The following SPOCK1 variants were observed in gnomAD, a reference collection of about 807,000 sequenced individuals.
SPOCK1 encodes the protein testican-1.
In SPOCK1, 23 loss-of-function variants were observed where a neutral mutation model predicts 55.3. The ratio of observed to expected loss-of-function variants is 0.42; its 90% CI spans 0.30 to 0.59. The LOEUF is 0.59. SPOCK1 is among the 20% of genes least tolerant of loss of function. The pLI, the probability that SPOCK1 is intolerant of heterozygous loss-of-function variation, is 0.22. For missense variants in SPOCK1, 499 were observed against 552.5 expected (o/e 0.90, Z 0.97); for synonymous variants, 226 against 221.0 (o/e 1.02, Z -0.20).
chr5:137,041,250 T>G (rs1751990967), intron 6 of SPOCK1, among the ~76,000 whole-genome samples: 1 of 152,216 alleles, frequency 6.6e-6, no homozygotes, highest in African/African-American at 2.4e-5. Flanking sequence ...TTCAATAAAC[T>G]GTGCTGGAAT....
At chr5:137,171,081 G>T (rs1201838202) in intron 3 of SPOCK1, among the ~76,000 whole-genome samples, 1 of 152,114 alleles carries the variant, frequency 6.6e-6, no homozygotes, top group South Asian at 2.1e-4. Flanking sequence ...GGAGTGAACG[G>T]GAAGAGCCTC....
At chr5:137,317,475 G>C (rs993101249) in intron 2 of SPOCK1, among the ~76,000 whole-genome samples, 1 of 152,210 alleles carries the variant, frequency 6.6e-6, no homozygotes, top group Non-Finnish European at 1.5e-5. Context: ...TCAGGAATAG[G>C]TGAGTTTCAG....
intron 4 of SPOCK1, among the ~76,000 whole-genome samples, chr5:137,136,225 A>T (rs1444461471): frequency 6.6e-6 from 1 of 152,198 alleles, no homozygotes; most frequent in African/African-American, 2.4e-5. Context: ...CTTCTAAAAA[A>T]GCCTAAGCTC....
intron 3 of SPOCK1, among the ~76,000 whole-genome samples, chr5:137,180,913 G>A (rs1303590558): frequency 1.3e-5 from 2 of 152,138 alleles, no homozygotes; most frequent in African/African-American, 2.4e-5. Flanking sequence ...GGATGGCTTG[G>A]CCAGCTTTGT....
intron 2 of SPOCK1, among the ~76,000 whole-genome samples, chr5:137,453,899 C>G (rs1753311666): frequency 6.6e-6 from 1 of 152,080 alleles, no homozygotes; most frequent in African/African-American, 2.4e-5. Context: ...GTGGAGTCCC[C>G]TTATTCCCTG....
At chr5:137,122,714 G>A (rs1753709395) in intron 4 of SPOCK1, among the ~76,000 whole-genome samples, 7 of 152,226 alleles carry the variant, frequency 4.6e-5, no homozygotes, top group Admixed American at 4.6e-4. Context: ...AGGGGCCAGA[G>A]CAGCTGGGAA....
chr5:137,439,755 C>G (rs1190544912), intron 2 of SPOCK1, among the ~76,000 whole-genome samples: 1 of 152,170 alleles, frequency 6.6e-6, no homozygotes, highest in Non-Finnish European at 1.5e-5. Context: ...TCGCTGGCTC[C>G]CAGTAAAAAT....
Position 137,295,199 on chromosome 5 carries a change from T to C in SPOCK1, c.187-28144A>G, listed in dbSNP as rs186105521. On this transcript the variant is annotated intron_variant, in intron 2 of 10. Transcript: ENST00000394945. ...CACCTGCATGGCTGCAATACAGCTG[T>C]TTTTTGTTCTTTATGCTTTTCTGTA... Among the ~76,000 whole-genome samples the C allele has an allele frequency of 6.0e-4, 91 of 152,306 alleles. 2 individuals carry two copies. In the East Asian group the frequency reaches 0.014, roughly 24 times the overall value.
At chr5:137,425,005 T>A (rs1414770250) in intron 2 of SPOCK1, among the ~76,000 whole-genome samples, 1 of 152,252 alleles carries the variant, frequency 6.6e-6, no homozygotes. Flanking sequence ...TAAAAAGCAG[T>A]CTTCCCTGTT....
intron 6 of SPOCK1, among the ~76,000 whole-genome samples, chr5:137,023,004 C>G (rs565598705): frequency 5.7e-4 from 87 of 152,252 alleles, no homozygotes; most frequent in African/African-American, 1.9e-3. Flanking sequence ...CAAAGCCTAG[C>G]AAATAAGAGA....
chr5:137,011,112 G>A (rs191025330), intron 6 of SPOCK1, among the ~76,000 whole-genome samples: 2 of 152,274 alleles, frequency 1.3e-5, no homozygotes, highest in Non-Finnish European at 2.9e-5. Context: ...GCGCAGGCAG[G>A]AGATGGTGAT....
At chr5:137,080,773 A>G (rs1752867462) in intron 5 of SPOCK1, among the ~76,000 whole-genome samples, 1 of 152,240 alleles carries the variant, frequency 6.6e-6, no homozygotes, top group Non-Finnish European at 1.5e-5. Flanking sequence ...TCTTGGTGAA[A>G]TGAGTGAAGA....
intron 2 of SPOCK1, among the ~76,000 whole-genome samples, chr5:137,494,092 T>C (rs1754247256): frequency 6.6e-6 from 1 of 152,184 alleles, no homozygotes; most frequent in Non-Finnish European, 1.5e-5. Context: ...CCGCTAAAGG[T>C]AATTATCCTA....
intron 6 of SPOCK1, among the ~76,000 whole-genome samples, chr5:137,022,446 G>C (rs181497377): frequency 4.6e-5 from 7 of 152,286 alleles, no homozygotes; most frequent in East Asian, 1.9e-4. Context: ...CTGACGATCA[G>C]TAATTTGTTA....
intron 6 of SPOCK1, among the ~76,000 whole-genome samples, chr5:137,018,704 A>AT (rs913291133): frequency 2.2e-4 from 33 of 151,938 alleles, no homozygotes; most frequent in South Asian, 2.1e-4. Flanking sequence ...GCATATTAGG[A>AT]TTTTTTTTGA....
At chr5:137,285,841 G>T (rs1015959145) in intron 2 of SPOCK1, among the ~76,000 whole-genome samples, 1 of 152,168 alleles carries the variant, frequency 6.6e-6, no homozygotes, top group Non-Finnish European at 1.5e-5. Context: ...CTCTGTGCCA[G>T]GCAGGGCTCA....
Position 137,292,426 on chromosome 5 carries a change from TAAAAAAAAAAAAAAAAAAAAAAAAAAA to T in SPOCK1, c.187-25398_187-25372del, listed in dbSNP as rs753574851. On this transcript the variant is annotated intron_variant, in intron 2 of 10. Coordinates refer to ENST00000394945, the MANE Select transcript of SPOCK1 (RefSeq NM_004598.4). ...TATGCTGTCCATTCACTGGTGTAGTTAAAAAAAAAAAAAAAAAAAAAAAAAAAAAAAAAAAAAAAAAAAAAGTTGGAG... is the reference window on the plus strand; with the variant it reads ...TATGCTGTCCATTCACTGGTGTAGTTAAAAAAAAAAAAAAAAAAGTTGGAG... 6.2e-3 allele frequency among the ~76,000 whole-genome samples: 234 copies of T among 38,020 alleles called. 2 individuals are homozygous for T. The highest frequency in any genetic ancestry group is 0.02 in the African/African-American group (214 of 10,802). 24.9% of individuals were successfully genotyped at this position (38,020 alleles called of 152,430 possible). A position where few individuals can be genotyped will look rare whatever the true frequency, so the allele number is the denominator to read the frequency against.
chr5:137,093,526 T>C (rs572231151), intron 5 of SPOCK1, among the ~76,000 whole-genome samples: 49 of 152,102 alleles, frequency 3.2e-4, no homozygotes, highest in Non-Finnish European at 6.6e-4. Flanking sequence ...CAGTCTTGAG[T>C]AGCAAGTGAA....
chr5:137,490,717 C>T (rs1055959210), intron 2 of SPOCK1, among the ~76,000 whole-genome samples: 1 of 152,176 alleles, frequency 6.6e-6, no homozygotes, highest in Non-Finnish European at 1.5e-5. Context: ...TGCATACAAA[C>T]CCCCTCCCAG....
Sources: allele counts gnomAD v4.1 joint callset (sites outside exome capture counted in the v4.1 genomes callset), GRCh38; gene constraint gnomAD v4.1.1; transcripts MANE v1.5; gene names NCBI Gene and HGNC (gene_info 2026-07-23, HGNC 2026-07-21).